The following POMGNT2 variants were observed in gnomAD, a reference collection of about 807,000 sequenced individuals.
The protein encoded by POMGNT2 is protein O-linked mannose N-acetylglucosaminyltransferase 2 (beta 1,4-).
Under a neutral mutation model 37.8 loss-of-function variants are expected in POMGNT2, and 32 were observed. The ratio of observed to expected loss-of-function variants is 0.85; its 90% confidence interval spans 0.64 to 1.14. The LOEUF (loss-of-function observed/expected upper bound fraction) is 1.14, where lower values mean the gene tolerates loss of function less well. Ranked by LOEUF, POMGNT2 falls within the 50% of genes most tolerant of loss-of-function variation. The pLI is 0.00. For missense variants in POMGNT2, 705 were observed against 780.6 expected, an observed-to-expected ratio of 0.90 and a Z score of 1.15; for synonymous variants, 340 against 336.8, an observed-to-expected ratio of 1.01 and a Z score of -0.10.
chr3:43,087,996 G>C (rs542036413), intron 1 of POMGNT2: 10 of 152,346 alleles, frequency 6.6e-5, no homozygotes, highest in African/African-American at 2.4e-4. Flanking sequence ...ATGATGTATA[G>C]TTGAATTTTG....
intron 1 of POMGNT2, among the ~76,000 whole-genome samples, chr3:43,097,001 C>A (rs2089984319): frequency 6.6e-6 from 1 of 152,174 alleles, no homozygotes. Context: ...CTGCAGACCC[C>A]AGTAACAGCT....
chr3:43,083,682 T>C (rs1000947133), intron 1 of POMGNT2, among the ~76,000 whole-genome samples: 3 of 152,252 alleles, frequency 2.0e-5, no homozygotes, highest in Admixed American at 2.0e-4. Flanking sequence ...TCCTTTATAA[T>C]TGTCTTATGT....
At chr3:43,104,890 AAG>A (rs1181232654) in intron 1 of POMGNT2, among the ~76,000 whole-genome samples, 1 of 152,222 alleles carries the variant, frequency 6.6e-6, no homozygotes, top group African/African-American at 2.4e-5. Flanking sequence ...AACAGAGGCT[AAG>A]AGAGGATAAG....
In POMGNT2 at chr3:43,080,998, T is replaced by C; in HGVS notation, c.434A>G (p.Lys145Arg). 6.2e-7 allele frequency: 1 copy of C among 1,614,196 alleles called. No homozygotes were observed. The highest frequency in any genetic ancestry group is 8.5e-7 in the Non-Finnish European group (1 of 1,180,040). ...GGCCACGTCTGGCACGAACACCGGC[T>C]TGGGCATGAAGCGCAGGGCAGCAGC... is the stretch of plus-strand genomic sequence containing the variant. ...LPAAALRFMP[K>R]PVFVPDVALI... Residue 145 changes from lysine to arginine, a missense_variant, in exon 2 of 2, where the codon AAG (lysine) becomes AGG (arginine). Physicochemically the swap from Lys to Arg is conservative, Grantham distance 26. Transcript: ENST00000344697.
intron 1 of POMGNT2, among the ~76,000 whole-genome samples, chr3:43,086,370 G>C (rs1160138614): frequency 6.6e-6 from 1 of 152,166 alleles, no homozygotes; most frequent in Non-Finnish European, 1.5e-5. Flanking sequence ...GCTTGCACAA[G>C]AACCCACAAC....
At chr3:43,084,097 A>T (rs1172316355) in intron 1 of POMGNT2, among the ~76,000 whole-genome samples, 1 of 151,992 alleles carries the variant, frequency 6.6e-6, no homozygotes, top group Non-Finnish European at 1.5e-5. Context: ...TACCCTTCGA[A>T]TTGTTTTTCC....
intron 1 of POMGNT2, among the ~76,000 whole-genome samples, chr3:43,090,303 C>CTATA (rs1440102474): frequency 6.7e-6 from 1 of 149,206 alleles, no homozygotes; most frequent in African/African-American, 2.5e-5. Context: ...CAACATCTAT[C>CTATA]TATATATTTT....
At chr3:43,083,691 G>A (rs2089873846) in intron 1 of POMGNT2, among the ~76,000 whole-genome samples, 1 of 152,176 alleles carries the variant, frequency 6.6e-6, no homozygotes, top group Admixed American at 6.5e-5. Context: ...ATTGTCTTAT[G>A]TGTTTCCTCT....
At chr3:43,081,640 G>A (rs947241944) in intron 1 of POMGNT2, 104 bp from the exon 2 acceptor site, 16 of 569,244 alleles carry the variant, frequency 2.8e-5, no homozygotes, top group East Asian at 1.2e-4. Flanking sequence ...CTGTGTGCCC[G>A]CTACAGCACT....
intron 1 of POMGNT2, among the ~76,000 whole-genome samples, chr3:43,101,698 T>C (rs1450714971): frequency 6.6e-6 from 1 of 152,250 alleles, no homozygotes; most frequent in Non-Finnish European, 1.5e-5. Flanking sequence ...AAGGCATTTC[T>C]ATCTAGCCCA....
chr3:43,085,630 T>C (rs1250595742), intron 1 of POMGNT2, among the ~76,000 whole-genome samples: 1 of 152,152 alleles, frequency 6.6e-6, no homozygotes, highest in Non-Finnish European at 1.5e-5. Flanking sequence ...CTTTTGTGAA[T>C]TGCCCAGTCT....
chr3:43,105,032 C>T (rs1330188088), intron 1 of POMGNT2, among the ~76,000 whole-genome samples: 2 of 152,216 alleles, frequency 1.3e-5, no homozygotes, highest in African/African-American at 4.8e-5. Flanking sequence ...CTATCAAGCT[C>T]GCCCCATAAC....
intron 1 of POMGNT2, among the ~76,000 whole-genome samples, chr3:43,103,833 C>T (rs536033392): frequency 6.3e-4 from 96 of 152,286 alleles, no homozygotes; most frequent in African/African-American, 2.2e-3. Context: ...CAATTCTTTA[C>T]CTCTCCAAGC....
rs1446978063 is a variant in POMGNT2 at position 43,079,653 on chromosome 3, G to A, written c.*36C>T. On this transcript the variant is annotated 3_prime_UTR_variant, in exon 2 of 2. Transcript: ENST00000344697. ...TGGGCCCAGGGACGCTGAACTGCAG[G>A]AGCCACCTTCCCGAGGCCAGGCTGT... 10 of 1,576,072 alleles carry A rather than the reference G, an allele frequency of 6.3e-6. No individual in the cohort carries two copies. The highest frequency in any genetic ancestry group is 1.7e-5 in the Admixed American group (1 of 57,470).
chr3:43,083,746 G>A (rs2125702682), intron 1 of POMGNT2, among the ~76,000 whole-genome samples: 1 of 152,276 alleles, frequency 6.6e-6, no homozygotes, highest in East Asian at 1.9e-4. Flanking sequence ...GGCTTCAACT[G>A]TCAAGTATGA....
Position 43,080,386 on chromosome 3 carries a change from A to G in POMGNT2, c.1046T>C (p.Leu349Pro). 3 of 1,614,164 alleles carry G rather than the reference A, an allele frequency of 1.9e-6. No homozygotes were observed. The highest frequency in any genetic ancestry group is 8.5e-7 in the Non-Finnish European group (1 of 1,180,010). ...ACGGGGCAGGAAGAGGGTGGTGACC[A>G]GCTGGGCCCCATGCATGCTGACCAG... ...SMLVSMHGAQLVTTLFLPRGA... is the reference protein window; with the variant it reads ...SMLVSMHGAQPVTTLFLPRGA... Residue 349 changes from leucine (L) to proline (P), a missense_variant, in exon 2 of 2, where the codon CTG becomes CCG. Leu to Pro is a moderately conservative substitution (Grantham distance 98). Coordinates refer to ENST00000344697, the MANE Select transcript of POMGNT2 (RefSeq NM_032806.6).
At chr3:43,085,114 G>C (rs1271008370) in intron 1 of POMGNT2, among the ~76,000 whole-genome samples, 1 of 152,182 alleles carries the variant, frequency 6.6e-6, no homozygotes, top group East Asian at 1.9e-4. Flanking sequence ...TGTGTGTCAG[G>C]GTGTCAAAAC....
chr3:43,089,795 C>T (rs2089927900), intron 1 of POMGNT2, among the ~76,000 whole-genome samples: 1 of 152,028 alleles, frequency 6.6e-6, no homozygotes, highest in African/African-American at 2.4e-5. Flanking sequence ...TTTAATAAAA[C>T]TTCCACTCAT....
rs778676584 is a variant in POMGNT2, at chr3:43,080,943, G to A, written c.489C>T (p.Asn163=). 1.5e-5 allele frequency: 25 copies of A among 1,614,086 alleles called. No individual in the cohort carries two copies. Among genetic ancestry groups the A allele is most frequent in the Non-Finnish European group, 2.0e-5 (24 of 1,180,034 alleles). The change falls in exon 2 of 2, where the codon AAC becomes AAT. Residue 163 remains asparagine (N), a synonymous_variant. Transcript: ENST00000344697. ...GGTCGTCATGAAAGACGTGCATGAGGTTGTCGGGGTTGAAGCGGTTGGCGA... is the reference window on the plus strand; with the variant it reads ...GGTCGTCATGAAAGACGTGCATGAGATTGTCGGGGTTGAAGCGGTTGGCGA... ...ALIANRFNPD[N]LMHVFHDDLL...
Sources: allele counts gnomAD v4.1 joint callset (sites outside exome capture counted in the v4.1 genomes callset), GRCh38; gene constraint gnomAD v4.1.1; transcripts MANE v1.5; gene names NCBI Gene and HGNC (gene_info 2026-07-23, HGNC 2026-07-21).